Variants in NIM1K observed in about 807,000 individuals in gnomAD.
The protein encoded by NIM1K is NIM1 serine/threonine protein kinase.
In NIM1K, 35 loss-of-function variants were observed where a neutral mutation model predicts 37.1. The observed-to-expected ratio is 0.94, with a 90% CI of 0.72 to 1.25. NIM1K has a LOEUF of 1.25. Ranked by LOEUF, NIM1K falls within the 50% of genes most tolerant of loss-of-function variation. The probability of loss-of-function intolerance (pLI) is 0.00; values close to 1 mark genes in which losing one functional copy is unlikely to be tolerated. For synonymous variants in NIM1K, 234 were observed against 206.6 expected, an observed-to-expected ratio of 1.13 and a Z score of -1.14; for missense variants, 564 against 548.0, an observed-to-expected ratio of 1.03 and a Z score of -0.29.
At chr5:43,202,596 T>G (rs1283770695) in intron 1 of NIM1K, among the ~76,000 whole-genome samples, 2 of 152,220 alleles carry the variant, frequency 1.3e-5, no homozygotes, top group Non-Finnish European at 2.9e-5. Context: ...CCAGTCGGCT[T>G]GGAGCCTCAG....
At chr5:43,250,895 G>A (rs1311197275) in intron 2 of NIM1K, among the ~76,000 whole-genome samples, 1 of 152,208 alleles carries the variant, frequency 6.6e-6, no homozygotes. Flanking sequence ...TAGGAAAAGC[G>A]TGGACTTGGG....
intron 1 of NIM1K, among the ~76,000 whole-genome samples, chr5:43,231,429 A>G (rs546438559): frequency 6.6e-6 from 1 of 152,298 alleles, no homozygotes; most frequent in South Asian, 2.1e-4. Flanking sequence ...AGCTGAAGCC[A>G]TCTCTTGGTT....
intron 1 of NIM1K, among the ~76,000 whole-genome samples, chr5:43,201,788 G>A (rs1251342526): frequency 6.6e-6 from 1 of 151,774 alleles, no homozygotes; most frequent in Non-Finnish European, 1.5e-5. Flanking sequence ...GTGAAACCCC[G>A]TCTGTACTAA....
intron 2 of NIM1K, among the ~76,000 whole-genome samples, chr5:43,274,968 A>G (rs1264215733): frequency 2.0e-5 from 3 of 152,252 alleles, no homozygotes; most frequent in Non-Finnish European, 4.4e-5. Context: ...AGTCTGGTAC[A>G]GTTTGAACCA....
At chr5:43,255,119 G>A (rs1220096560) in intron 2 of NIM1K, among the ~76,000 whole-genome samples, 1 of 152,104 alleles carries the variant, frequency 6.6e-6, no homozygotes, top group East Asian at 1.9e-4. Context: ...TATACACTGG[G>A]CAGAAGATTC....
intron 2 of NIM1K, among the ~76,000 whole-genome samples, chr5:43,257,886 C>T (rs1230104508): frequency 1.3e-5 from 2 of 151,724 alleles, no homozygotes; most frequent in Non-Finnish European, 2.9e-5. Flanking sequence ...ATAGCAAGAC[C>T]CTGTCTTTAA....
At chr5:43,231,944 G>T in intron 1 of NIM1K, 1 of 946,700 alleles carries the variant, frequency 1.1e-6, no homozygotes. Context: ...TCTCACCCAC[G>T]TACCAGTGAA....
intron 1 of NIM1K, among the ~76,000 whole-genome samples, chr5:43,198,226 TTTCTTTC>T (rs1751960907): frequency 2.3e-5 from 3 of 128,240 alleles, no homozygotes; most frequent in Non-Finnish European, 5.1e-5. Context: ...TCTTTCTTTC[TTTCTTTC>T]TTTCTTTCTT....
In NIM1K at chr5:43,231,787, G is replaced by C. The variant is rs901619261; in HGVS notation, c.-694-13295G>C. 7 of 1,213,122 alleles carry C rather than the reference G, an allele frequency of 5.8e-6. No homozygotes were observed. In the African/African-American group the frequency reaches 1.1e-4, roughly 19 times the overall value. The allele number at this position is 1,213,122 out of a possible 1,614,324, so 75.1% of individuals were successfully genotyped here. A position where few individuals can be genotyped will look rare whatever the true frequency, so the allele number is the denominator to read the frequency against. The stretch of plus-strand genomic sequence containing the variant: ...AAACAGAATAAGCTTCCCTGTAAAA[G>C]CAGCACCTTTGTGACGTTTTCACTT... On this transcript the variant is annotated intron_variant, in intron 1 of 3. Transcript: ENST00000326035.
At chr5:43,208,032 A>G (rs1752142932) in intron 1 of NIM1K, among the ~76,000 whole-genome samples, 1 of 152,240 alleles carries the variant, frequency 6.6e-6, no homozygotes, top group South Asian at 2.1e-4. Context: ...GTTAGACAGC[A>G]CAGCGAAGAC....
intron 2 of NIM1K, among the ~76,000 whole-genome samples, chr5:43,254,588 G>A (rs536815306): frequency 6.6e-6 from 1 of 152,284 alleles, no homozygotes; most frequent in South Asian, 2.1e-4. Context: ...GAAAATCCAG[G>A]AGTGGTGGAG....
At chr5:43,200,275 A>G (rs1407125869) in intron 1 of NIM1K, among the ~76,000 whole-genome samples, 2 of 152,074 alleles carry the variant, frequency 1.3e-5, no homozygotes, top group African/African-American at 4.8e-5. Flanking sequence ...TATTTATTGT[A>G]GGCTCTCATT....
rs1305876185 is a variant in NIM1K, at chr5:43,213,242, C to CTT, written c.-695+20833_-695+20834dup. 4.1e-5 allele frequency among the ~76,000 whole-genome samples: 5 copies of CTT among 122,700 alleles called. 1 individual carries two copies. The highest frequency in any genetic ancestry group is 1.6e-4 in the African/African-American group (5 of 31,358). 80.5% of individuals were successfully genotyped at this position (122,700 alleles called of 152,430 possible). A position where few individuals can be genotyped will look rare whatever the true frequency, so the allele number is the denominator to read the frequency against. On this transcript the variant is annotated intron_variant, in intron 1 of 3. Coordinates refer to ENST00000326035, the MANE Select transcript of NIM1K (RefSeq NM_153361.4). Reference sequence around the variant, plus strand: ...CTTTCTTTCCTTCTTTTCTTCCTTTCTTTCTTTCTTGTTCTTTCTTGTTTC... The same window carrying CTT: ...CTTTCTTTCCTTCTTTTCTTCCTTTCTTTTTCTTTCTTGTTCTTTCTTGTTTC...
intron 1 of NIM1K, among the ~76,000 whole-genome samples, chr5:43,228,498 C>T (rs958597459): frequency 1.1e-4 from 16 of 151,772 alleles, no homozygotes; most frequent in Non-Finnish European, 2.2e-4. Context: ...ATTAAAGATA[C>T]TGAAAATGTA....
Position 43,245,932 on chromosome 5 carries a change from C to A in NIM1K, c.157C>A (p.Gln53Lys), listed in dbSNP as rs767110159. ...GCTGACGCCCTTCGAGAAACTGACA[C>A]AGGACATGTCCCAGGATGAGAAGGT... is the stretch of plus-strand genomic sequence containing the variant. ...RQLTPFEKLT[Q>K]DMSQDEKVVR... Residue 53 changes from glutamine (Q) to lysine (K), a missense_variant, in exon 2 of 4, where the codon CAG (glutamine) becomes AAG (lysine). Gln to Lys is a moderately conservative substitution (Grantham distance 53). Transcript: ENST00000326035. 6.2e-7 allele frequency: 1 copy of A among 1,614,116 alleles called. No individual in the cohort carries two copies. The highest frequency in any genetic ancestry group is 8.5e-7 in the Non-Finnish European group (1 of 1,180,012).
chr5:43,255,489 G>A (rs958347670), intron 2 of NIM1K, among the ~76,000 whole-genome samples: 2 of 152,288 alleles, frequency 1.3e-5, no homozygotes, highest in South Asian at 2.1e-4. Context: ...GGTCGGTCAC[G>A]CCTGTAATCC....
At chr5:43,233,013 A>G in intron 1 of NIM1K, 2 of 1,210,396 alleles carry the variant, frequency 1.7e-6, no homozygotes, top group Non-Finnish European at 2.5e-6. Flanking sequence ...AGCCCGTCTC[A>G]CTGAAGAAGC....
At chr5:43,240,876 C>T (rs1183276504) in intron 1 of NIM1K, among the ~76,000 whole-genome samples, 5 of 151,930 alleles carry the variant, frequency 3.3e-5, no homozygotes, top group Non-Finnish European at 5.9e-5. Context: ...AAACACTCTT[C>T]CCACCTCTTA....
chr5:43,249,841 T>G (rs954849560), intron 2 of NIM1K, among the ~76,000 whole-genome samples: 8 of 148,528 alleles, frequency 5.4e-5, no homozygotes, highest in Admixed American at 3.5e-4. Context: ...ACATTTTATG[T>G]ATGGATTAGT....
Sources: gnomAD v4.1 joint callset for allele counts (sites outside exome capture counted in the v4.1 genomes callset) on GRCh38, gnomAD v4.1.1 for gene constraint, MANE v1.5 for transcripts, NCBI Gene and HGNC (gene_info 2026-07-23, HGNC 2026-07-21) for gene names.